The following XPR1 variants were observed in gnomAD, a reference collection of about 807,000 sequenced individuals.
XPR1 encodes the protein xenotropic and polytropic retrovirus receptor 1, also known as solute carrier family 53 member 1.
Under a neutral mutation model 87.5 loss-of-function variants are expected in XPR1, and 28 were observed. The ratio of observed to expected loss-of-function variants is 0.32; its 90% CI spans 0.24 to 0.44. XPR1 has a LOEUF of 0.44. Ranked by LOEUF, XPR1 falls within the 20% of genes least tolerant of loss-of-function variation. The pLI, the probability that XPR1 is intolerant of heterozygous loss-of-function variation, is 1.00. For missense variants in XPR1, 559 were observed against 862.3 expected, an observed-to-expected ratio of 0.65 and a Z score of 4.41; for synonymous variants, 300 against 306.1, an observed-to-expected ratio of 0.98 and a Z score of 0.21.
At chr1:180,664,631 C>T (rs1655897936) in intron 1 of XPR1, among the ~76,000 whole-genome samples, 1 of 152,146 alleles carries the variant, frequency 6.6e-6, no homozygotes, top group Non-Finnish European at 1.5e-5. Flanking sequence ...CATGAGCACC[C>T]CCTTAGTTGC....
intron 2 of XPR1, among the ~76,000 whole-genome samples, chr1:180,737,666 T>C (rs891271769): frequency 1.2e-4 from 18 of 152,210 alleles, no homozygotes; most frequent in Admixed American, 1.2e-3. Context: ...CATTACTATA[T>C]TTTTAACATT....
At chr1:180,669,283 G>A (rs1017438105) in intron 1 of XPR1, among the ~76,000 whole-genome samples, 1 of 152,074 alleles carries the variant, frequency 6.6e-6, no homozygotes, top group African/African-American at 2.4e-5. Context: ...AGCTATTATT[G>A]TATAAGTATG....
At chr1:180,680,465 A>C (rs1172023687) in intron 1 of XPR1, among the ~76,000 whole-genome samples, 2 of 143,494 alleles carry the variant, frequency 1.4e-5, no homozygotes, top group Admixed American at 1.5e-4. Flanking sequence ...TCCCGGGTTC[A>C]AGCGATTCTC....
chr1:180,845,524 G>A (rs1037222032), intron 11 of XPR1, among the ~76,000 whole-genome samples: 3 of 152,156 alleles, frequency 2.0e-5, no homozygotes, highest in African/African-American at 7.2e-5. Context: ...GTGTGTGTGT[G>A]TGTCTGTTTT....
intron 2 of XPR1, among the ~76,000 whole-genome samples, chr1:180,688,620 C>A (rs1656869708): frequency 6.6e-6 from 1 of 152,020 alleles, no homozygotes; most frequent in Admixed American, 6.6e-5. Context: ...GTCAGTCATA[C>A]CTTAATAATC....
intron 1 of XPR1, among the ~76,000 whole-genome samples, chr1:180,669,128 T>C (rs1237318300): frequency 2.6e-5 from 4 of 151,934 alleles, no homozygotes; most frequent in African/African-American, 9.7e-5. Context: ...GCTTAATTTC[T>C]GGCCTAACAA....
chr1:180,678,170 T>C (rs1223445508), intron 1 of XPR1, among the ~76,000 whole-genome samples: 3 of 152,248 alleles, frequency 2.0e-5, no homozygotes, highest in Non-Finnish European at 4.4e-5. Context: ...TTCACCAACT[T>C]GGAAGCTCTC....
rs1300896941 is a variant in XPR1 at position 180,863,886 on chromosome 1, G to C, written c.1668+12G>C. ...TATACCCCCAAAAAGTATGTATAAA[G>C]AGTGTGTTTGTTTAAAAGAACAAAC... On this transcript the variant is annotated intron_variant, in intron 12 of 14. Coordinates refer to ENST00000367590, the MANE Select transcript of XPR1 (RefSeq NM_004736.4). The C allele has an allele frequency of 6.4e-7, 1 of 1,565,540 alleles. No homozygotes were observed. The highest frequency in any genetic ancestry group is 8.6e-7 in the Non-Finnish European group (1 of 1,160,426).
chr1:180,741,310 C>A (rs758743737), intron 2 of XPR1, among the ~76,000 whole-genome samples: 2 of 151,854 alleles, frequency 1.3e-5, no homozygotes, highest in African/African-American at 2.4e-5. Flanking sequence ...ATTATAGATG[C>A]CTGCCACCAC....
At chr1:180,749,345 GA>G (rs1647423266) in intron 2 of XPR1, among the ~76,000 whole-genome samples, 1 of 152,180 alleles carries the variant, frequency 6.6e-6, no homozygotes, top group Admixed American at 6.5e-5. Context: ...ATTTAGCAGA[GA>G]AGTTCCTTAT....
At chr1:180,730,231 T>A (rs1472336646) in intron 2 of XPR1, among the ~76,000 whole-genome samples, 1 of 152,174 alleles carries the variant, frequency 6.6e-6, no homozygotes, top group Non-Finnish European at 1.5e-5. Flanking sequence ...CTCTCTATTC[T>A]CTTCCATTGA....
Position 180,835,496 on chromosome 1 carries a change from A to ACCCCCCC in XPR1, c.1306+453_1306+459dup, listed in dbSNP as rs111339401. ...TTATTTTTCTTCTGGCCGTTTTCGC[A>ACCCCCCC]CCCCCCCCTTAGTTTATGCCAGCAG... On this transcript the variant is annotated intron_variant, in intron 10 of 14. Transcript: ENST00000367590. Among the ~76,000 whole-genome samples, 59 of 150,378 alleles carry ACCCCCCC rather than the reference A, an allele frequency of 3.9e-4. 1 individual carries two copies. The highest frequency in any genetic ancestry group is 1.4e-3 in the African/African-American group (58 of 40,552).
chr1:180,746,132 G>C (rs1647234781), intron 2 of XPR1, among the ~76,000 whole-genome samples: 1 of 152,022 alleles, frequency 6.6e-6, no homozygotes, highest in Non-Finnish European at 1.5e-5. Flanking sequence ...GGTGTACCAA[G>C]TGGGTTTTGG....
intron 1 of XPR1, among the ~76,000 whole-genome samples, chr1:180,661,300 G>GT (rs945032453): frequency 3.3e-5 from 5 of 151,324 alleles, no homozygotes; most frequent in African/African-American, 4.9e-5. Flanking sequence ...ACAGGGTCTT[G>GT]TTTTTTTTAA....
chr1:180,689,697 T>G (rs1419015396), intron 2 of XPR1, among the ~76,000 whole-genome samples: 1 of 152,182 alleles, frequency 6.6e-6, no homozygotes, highest in African/African-American at 2.4e-5. Flanking sequence ...GGGTAATGTA[T>G]GGACTTTAGT....
chr1:180,800,174 T>C lies in XPR1; in HGVS notation c.224-3214T>C, dbSNP rs1372672508. On this transcript the variant is annotated intron_variant, in intron 3 of 14. Transcript: ENST00000367590. Reference sequence around the variant, plus strand: ...CATCTTGGAACTGAAAAAGGAATCATAGGATGAATCTGTGGACCAGCTGGG... The same window carrying C: ...CATCTTGGAACTGAAAAAGGAATCACAGGATGAATCTGTGGACCAGCTGGG... 5.9e-5 allele frequency among the ~76,000 whole-genome samples: 9 copies of C among 152,308 alleles called. No homozygotes were observed. In the South Asian group the frequency reaches 1.2e-3, roughly 21 times the overall value.
chr1:180,722,270 A>G (rs1658201014), intron 2 of XPR1, among the ~76,000 whole-genome samples: 1 of 151,980 alleles, frequency 6.6e-6, no homozygotes, highest in Admixed American at 6.6e-5. Context: ...TAATTTTTGT[A>G]TTTTTAGTAG....
At chr1:180,668,896 C>T (rs1656059200) in intron 1 of XPR1, among the ~76,000 whole-genome samples, 3 of 152,008 alleles carry the variant, frequency 2.0e-5, no homozygotes, top group Non-Finnish European at 4.4e-5. Flanking sequence ...TCAGGACCAG[C>T]CTGGCCAACA....
chr1:180,715,969 G>C (rs758222058), intron 2 of XPR1, among the ~76,000 whole-genome samples: 4 of 152,102 alleles, frequency 2.6e-5, no homozygotes, highest in Admixed American at 6.5e-5. Context: ...CACCGTACCC[G>C]GCTGAGAAGT....
Sources: gnomAD v4.1 joint callset for allele counts (sites outside exome capture counted in the v4.1 genomes callset) on GRCh38, gnomAD v4.1.1 for gene constraint, MANE v1.5 for transcripts, NCBI Gene and HGNC (gene_info 2026-07-23, HGNC 2026-07-21) for gene names.